Variants in ANKRD33B observed in about 807,000 individuals in gnomAD.
ANKRD33B encodes the protein ankyrin repeat domain 33B.
Under a neutral mutation model 21.5 loss-of-function variants are expected in ANKRD33B, and 6 were observed. The observed-to-expected ratio is 0.28, with a 90% CI of 0.15 to 0.55. The LOEUF (loss-of-function observed/expected upper bound fraction) is 0.55. ANKRD33B is among the 20% of genes least tolerant of loss of function. ANKRD33B has a pLI of 0.94. For synonymous variants in ANKRD33B, 347 were observed against 342.4 expected (o/e 1.01, Z -0.15); for missense variants, 698 against 747.2 (o/e 0.93, Z 0.77).
chr5:10,617,370 C>T (rs1736307388), intron 1 of ANKRD33B, among the ~76,000 whole-genome samples: 1 of 152,192 alleles, frequency 6.6e-6, no homozygotes, highest in South Asian at 2.1e-4. Context: ...CATCCTGTCG[C>T]TCTCATTTGA....
rs533695922 is a variant in ANKRD33B, at chr5:10,576,993, G to A, written c.366+12160G>A. 3.9e-5 allele frequency among the ~76,000 whole-genome samples: 6 copies of A among 152,226 alleles called. No homozygotes were observed. Among genetic ancestry groups the A allele is most frequent in the Admixed American group, 2.0e-4 (3 of 15,292 alleles). Reference sequence around the variant, plus strand: ...TGTGGGTGGGAGGAGAATCGGAAGCGGCATAAGGAGAGTTTTTCAAGAAGG... The same window carrying A: ...TGTGGGTGGGAGGAGAATCGGAAGCAGCATAAGGAGAGTTTTTCAAGAAGG... On this transcript the variant is annotated intron_variant, in intron 1 of 3. Coordinates refer to ENST00000296657, the MANE Select transcript of ANKRD33B (RefSeq NM_001164440.2). The surrounding 1 kb of genome is among the most constrained non-coding windows in gnomAD (Gnocchi z 4.1).
chr5:10,573,357 A>G (rs976643730), intron 1 of ANKRD33B, among the ~76,000 whole-genome samples: 11 of 151,780 alleles, frequency 7.2e-5, no homozygotes, highest in Non-Finnish European at 1.2e-4. Flanking sequence ...AGTCCCAACT[A>G]CTCGGGAAGC....
At chr5:10,570,399 G>A (rs982485923) in intron 1 of ANKRD33B, among the ~76,000 whole-genome samples, 1 of 152,146 alleles carries the variant, frequency 6.6e-6, no homozygotes, top group Admixed American at 6.5e-5. Flanking sequence ...ACTCATCGCT[G>A]CTCCATTTGG....
chr5:10,641,483 CCT>C (rs1257318338), intron 3 of ANKRD33B, among the ~76,000 whole-genome samples: 1 of 151,978 alleles, frequency 6.6e-6, no homozygotes, highest in African/African-American at 2.4e-5. Flanking sequence ...CCCGCCTTAG[CCT>C]CCCAAAGTTC....
chr5:10,622,032 A>G (rs56328705), intron 2 of ANKRD33B, among the ~76,000 whole-genome samples: 8,121 of 152,332 alleles, frequency 0.053, 268 homozygotes, highest in Middle Eastern at 0.082. Context: ...AGCCTCCAGA[A>G]CTGTGAGAAA....
intron 1 of ANKRD33B, among the ~76,000 whole-genome samples, chr5:10,584,370 AC>A (rs1252411944): frequency 1.2e-4 from 18 of 151,946 alleles, no homozygotes; most frequent in Non-Finnish European, 1.3e-4. Context: ...ACATAGTAAG[AC>A]CCTGTCTCTA....
intron 1 of ANKRD33B, among the ~76,000 whole-genome samples, chr5:10,613,697 G>C (rs1198507023): frequency 6.6e-6 from 1 of 151,910 alleles, no homozygotes; most frequent in Non-Finnish European, 1.5e-5. Flanking sequence ...TCACGAGATT[G>C]AAAACATCCT....
rs1426557274 is a variant in ANKRD33B, at chr5:10,576,626, G to GA, written c.366+11795dup. Among the ~76,000 whole-genome samples, 1 of 152,190 alleles carries GA rather than the reference G, an allele frequency of 6.6e-6. No homozygotes were observed. Among genetic ancestry groups the GA allele is most frequent in the Non-Finnish European group, 1.5e-5 (1 of 68,038 alleles). ...GCAGAACTAACGAGTAAGTTACAGA[G>GA]AATGTGCTTGTGCTGTAATAGACAC... On this transcript the variant is annotated intron_variant, in intron 1 of 3. Coordinates refer to ENST00000296657, the MANE Select transcript of ANKRD33B (RefSeq NM_001164440.2). The surrounding 1 kb of genome is among the most constrained non-coding windows in gnomAD (Gnocchi z 4.1).
chr5:10,618,317 C>T lies in ANKRD33B; in HGVS notation c.367-16C>T. ...CGACTCTGCCCCTCTGACCCGCTTC[C>T]CCTCTTCATTTCTAGACCGGCCTTA... On this transcript the variant is annotated splice_polypyrimidine_tract_variant and intron_variant, in intron 1 of 3. Coordinates refer to ENST00000296657, the MANE Select transcript of ANKRD33B (RefSeq NM_001164440.2). The T allele has an allele frequency of 1.3e-6, 2 of 1,536,504 alleles. No individual in the cohort carries two copies. Among genetic ancestry groups the T allele is most frequent in the East Asian group, 2.4e-5 (1 of 41,058 alleles).
intron 1 of ANKRD33B, among the ~76,000 whole-genome samples, chr5:10,616,564 C>CAAAA (rs56895208): frequency 0.6 from 69,882 of 117,370 alleles, 23,957 homozygotes; most frequent in East Asian, 0.82. Context: ...AACTCTGTCT[C>CAAAA]AAAAAAAAAA....
intron 1 of ANKRD33B, among the ~76,000 whole-genome samples, chr5:10,584,162 A>T (rs1735504658): frequency 6.6e-6 from 1 of 152,212 alleles, no homozygotes; most frequent in African/African-American, 2.4e-5. Flanking sequence ...TTTACCAAGA[A>T]ATCATACATT....
At chr5:10,639,232 CGTG>C (rs1414594811) in intron 3 of ANKRD33B, among the ~76,000 whole-genome samples, 1 of 30,822 alleles carries the variant, frequency 3.2e-5, no homozygotes, top group Non-Finnish European at 7.0e-5. Flanking sequence ...TAGCGGGTGA[CGTG>C]GGGTTGCGCG....
chr5:10,641,284 G>A lies in ANKRD33B; in HGVS notation c.637+3116G>A, dbSNP rs185968494. 4.0e-4 allele frequency among the ~76,000 whole-genome samples: 57 copies of A among 143,266 alleles called. 1 individual carries two copies. The East Asian group carries it at 5.5e-3, about 14-fold the overall frequency. 94.0% of individuals were successfully genotyped at this position (143,266 alleles called of 152,430 possible). On this transcript the variant is annotated intron_variant, in intron 3 of 3. Coordinates refer to ENST00000296657, the MANE Select transcript of ANKRD33B (RefSeq NM_001164440.2). ...CACTCTGTCGCCCAGGCTGGAGTGC[G>A]GTGGTGCAATCTCGGCTCACTGCAA...
intron 1 of ANKRD33B, among the ~76,000 whole-genome samples, chr5:10,595,586 A>T (rs1735801996): frequency 6.6e-6 from 1 of 152,178 alleles, no homozygotes; most frequent in South Asian, 2.1e-4. Context: ...TTTCTGGGCG[A>T]TACATTTCAA....
chr5:10,571,270 C>T (rs1466081020), intron 1 of ANKRD33B, among the ~76,000 whole-genome samples: 2 of 152,124 alleles, frequency 1.3e-5, no homozygotes, highest in South Asian at 4.1e-4. Context: ...GGTGCGATCT[C>T]GGCCCACTGC....
intron 2 of ANKRD33B, chr5:10,624,608 A>G: frequency 2.6e-6 from 1 of 382,500 alleles, no homozygotes; most frequent in Non-Finnish European, 5.2e-6. Context: ...ACGGAGGCAG[A>G]GGGGAGAGGG....
At chr5:10,617,436 C>T (rs749032821) in intron 1 of ANKRD33B, among the ~76,000 whole-genome samples, 2 of 152,248 alleles carry the variant, frequency 1.3e-5, no homozygotes, top group Non-Finnish European at 2.9e-5. Context: ...ATCCTGGACT[C>T]TTTTTCTATT....
At chr5:10,584,936 T>G (rs969281650) in intron 1 of ANKRD33B, among the ~76,000 whole-genome samples, 1 of 152,130 alleles carries the variant, frequency 6.6e-6, no homozygotes, top group Non-Finnish European at 1.5e-5. Flanking sequence ...GAAGTGAAAG[T>G]CTTGCTGTTT....
At chr5:10,606,662 A>C (rs1224704875) in intron 1 of ANKRD33B, among the ~76,000 whole-genome samples, 1 of 150,906 alleles carries the variant, frequency 6.6e-6, no homozygotes, top group Non-Finnish European at 1.5e-5. Flanking sequence ...TGAACCCACG[A>C]GGTGGAGGTT....
Sources: allele counts gnomAD v4.1 joint callset (sites outside exome capture counted in the v4.1 genomes callset), GRCh38; gene constraint gnomAD v4.1.1; non-coding constraint Gnocchi (gnomAD v3.1); transcripts MANE v1.5; gene names NCBI Gene and HGNC (gene_info 2026-07-23, HGNC 2026-07-21).